Variants in CAMTA1 observed in about 807,000 individuals in gnomAD.
CAMTA1 encodes calmodulin-binding transcription activator 1.
A neutral mutation model predicts 170.9 loss-of-function variants in CAMTA1; 27 were observed. That is an observed-to-expected ratio of 0.16 (90% CI 0.12 to 0.22). The LOEUF is 0.22. Among genes scored for constraint, CAMTA1 ranks in the 10% least tolerant of loss-of-function variants. The pLI, the probability that CAMTA1 is intolerant of heterozygous loss-of-function variation, is 1.00. For missense variants in CAMTA1, 1,619 were observed against 2,217.2 expected (o/e 0.73, Z 5.42); for synonymous variants, 833 against 891.5 (o/e 0.93, Z 1.17).
At position 6,879,984 on chromosome 1, in the gene CAMTA1, C is replaced by T. The variant is rs75787540; in HGVS notation, c.234+54774C>T. ...TGTTACTCAGAACGGCATTATGCCT[C>T]GCTTCAGGGTAGGAAATAGAGAAGC... is the stretch of plus-strand genomic sequence containing the variant. On this transcript the variant is annotated intron_variant, in intron 3 of 22. Transcript: ENST00000303635. 2.6e-3 allele frequency among the ~76,000 whole-genome samples: 400 copies of T among 151,948 alleles called. 1 individual carries two copies. The highest frequency in any genetic ancestry group is 9.3e-3 in the African/African-American group (385 of 41,452).
At chr1:7,418,799 C>T (rs373246038) in intron 5 of CAMTA1, among the ~76,000 whole-genome samples, 14 of 152,212 alleles carry the variant, frequency 9.2e-5, no homozygotes, top group Admixed American at 2.6e-4. Flanking sequence ...GCATCCTGGA[C>T]GCTGCTCTCC....
chr1:7,021,907 A>G (rs879797267), intron 3 of CAMTA1, among the ~76,000 whole-genome samples: 26 of 152,174 alleles, frequency 1.7e-4, no homozygotes, highest in Non-Finnish European at 2.9e-4. Flanking sequence ...TAACAGTGCA[A>G]CAGCCACCGC....
chr1:7,508,957 CA>C lies in CAMTA1; in HGVS notation c.510+41064del, dbSNP rs151056708. On this transcript the variant is annotated intron_variant, in intron 6 of 22. Coordinates refer to ENST00000303635, the MANE Select transcript of CAMTA1 (RefSeq NM_015215.4). ...TTCCCATACAGGGCTGGAAAACGTG[CA>C]AAAAAAATGCCCATGGCCTGAGACC... is the stretch of plus-strand genomic sequence containing the variant. Among the ~76,000 whole-genome samples the C allele has an allele frequency of 8.8e-3, 1,332 of 151,954 alleles. 44 individuals carry two copies. Among genetic ancestry groups the C allele is most frequent in the East Asian group, 0.085 (439 of 5,144 alleles).
intron 11 of CAMTA1, among the ~76,000 whole-genome samples, chr1:7,683,054 T>C (rs1479258243): frequency 6.6e-6 from 1 of 151,888 alleles, no homozygotes; most frequent in Non-Finnish European, 1.5e-5. Flanking sequence ...GAGCGCCTGT[T>C]GTCCCAGCTA....
At chr1:7,394,754 T>TA (rs1407214085) in intron 5 of CAMTA1, among the ~76,000 whole-genome samples, 4 of 152,038 alleles carry the variant, frequency 2.6e-5, no homozygotes, top group Non-Finnish European at 5.9e-5. Context: ...GTATTATTTT[T>TA]AAAAAATCCT....
chr1:7,408,373 C>A (rs1246095840), intron 5 of CAMTA1, among the ~76,000 whole-genome samples: 1 of 152,230 alleles, frequency 6.6e-6, no homozygotes, highest in Non-Finnish European at 1.5e-5. Flanking sequence ...CTGCGAGCAG[C>A]GGGGCTGGTG....
At chr1:7,498,191 A>T (rs202169463) in intron 6 of CAMTA1, among the ~76,000 whole-genome samples, 1 of 148,516 alleles carries the variant, frequency 6.7e-6, no homozygotes, top group East Asian at 2.0e-4. Flanking sequence ...TATGAGAGTG[A>T]GTGTGTGTGT....
Position 7,736,244 on chromosome 1 carries a change from G to A in CAMTA1, c.3067-100G>A. 1.0e-6 allele frequency: 1 copy of A among 966,174 alleles called. No homozygotes were observed. Among genetic ancestry groups the A allele is most frequent in the Non-Finnish European group, 1.6e-6 (1 of 640,274 alleles). The allele number at this position is 966,174 out of a possible 1,614,324, so 59.9% of individuals were successfully genotyped here. On this transcript the variant is annotated intron_variant, in intron 12 of 22. Transcript: ENST00000303635. The surrounding 1 kb of genome is among the most constrained non-coding windows in gnomAD (Gnocchi z 4.5). ...TTCAGTGTTTTATGTTTTCCGTTGT[G>A]AGTTTCTAATCGTAAAGCATTTGTT...
intron 5 of CAMTA1, among the ~76,000 whole-genome samples, chr1:7,376,713 G>A (rs1448259338): frequency 6.6e-6 from 1 of 152,186 alleles, no homozygotes; most frequent in Non-Finnish European, 1.5e-5. Context: ...GGAGGATGGT[G>A]GAGCTAGGAC....
chr1:7,656,579 G>A (rs941569844), intron 7 of CAMTA1, among the ~76,000 whole-genome samples: 10 of 152,192 alleles, frequency 6.6e-5, no homozygotes, highest in South Asian at 2.1e-4. Flanking sequence ...AAAATAGGAC[G>A]GCCCTACCGT....
In CAMTA1 at chr1:7,582,230, C is replaced by G. The variant is rs544362078; in HGVS notation, c.511-58170C>G. 2.0e-5 allele frequency among the ~76,000 whole-genome samples: 3 copies of G among 152,310 alleles called. 1 individual carries two copies. The South Asian group carries it at 6.2e-4, about 32-fold the overall frequency. ...TAAATGATAGCCCACGTGGCGGTTGCTCAGAGAAAGGAGCTCTCTCCTGTC... is the reference window on the plus strand; with the variant it reads ...TAAATGATAGCCCACGTGGCGGTTGGTCAGAGAAAGGAGCTCTCTCCTGTC... On this transcript the variant is annotated intron_variant, in intron 6 of 22. Coordinates refer to ENST00000303635, the MANE Select transcript of CAMTA1 (RefSeq NM_015215.4).
intron 6 of CAMTA1, among the ~76,000 whole-genome samples, chr1:7,584,596 G>A (rs1452464888): frequency 6.6e-6 from 1 of 152,188 alleles, no homozygotes; most frequent in East Asian, 1.9e-4. Context: ...CTCTGGGGTA[G>A]ACACCACTGG....
intron 7 of CAMTA1, among the ~76,000 whole-genome samples, chr1:7,657,172 G>A (rs955917999): frequency 8.5e-5 from 13 of 152,176 alleles, no homozygotes; most frequent in African/African-American, 2.9e-4. Context: ...CCCATGCTGG[G>A]GTCTGGCTTA....
intron 1 of CAMTA1, among the ~76,000 whole-genome samples, chr1:6,792,604 G>A (rs1261176620): frequency 1.3e-5 from 2 of 151,822 alleles, no homozygotes; most frequent in Non-Finnish European, 2.9e-5. Flanking sequence ...CATTTACTTC[G>A]AACTGATTGA....
In CAMTA1 at chr1:7,232,129, C is replaced by G. The variant is rs142059033; in HGVS notation, c.303-17362C>G. ...GTTAGAGGACTCCAGGGCAGAGGTG[C>G]CTTCCTGATCCAGGACCCTCCAGCC... On this transcript the variant is annotated intron_variant, in intron 4 of 22. Coordinates refer to ENST00000303635, the MANE Select transcript of CAMTA1 (RefSeq NM_015215.4). Among the ~76,000 whole-genome samples, 1,180 of 152,348 alleles carry G rather than the reference C, an allele frequency of 7.7e-3. 17 individuals are homozygous for G. The highest frequency in any genetic ancestry group is 0.027 in the African/African-American group (1,111 of 41,586).
intron 3 of CAMTA1, among the ~76,000 whole-genome samples, chr1:7,024,095 G>A (rs1701741307): frequency 6.6e-6 from 1 of 151,682 alleles, no homozygotes; most frequent in Admixed American, 6.6e-5. Context: ...TGGTCCTGAT[G>A]AGATCCACCG....
At chr1:7,601,234 G>A (rs1332926935) in intron 6 of CAMTA1, among the ~76,000 whole-genome samples, 1 of 151,908 alleles carries the variant, frequency 6.6e-6, no homozygotes, top group East Asian at 1.9e-4. Flanking sequence ...CGGGGTGGCT[G>A]CCGGGCGGAG....
At chr1:7,035,669 C>G (rs1411420527) in intron 3 of CAMTA1, among the ~76,000 whole-genome samples, 1 of 152,232 alleles carries the variant, frequency 6.6e-6, no homozygotes, top group African/African-American at 2.4e-5. Flanking sequence ...TCTGACCTCT[C>G]TGTCTCCCAA....
chr1:7,038,086 T>C (rs372427527), intron 3 of CAMTA1, among the ~76,000 whole-genome samples: 7 of 152,186 alleles, frequency 4.6e-5, no homozygotes, highest in African/African-American at 1.7e-4. Context: ...AATGAAGTTC[T>C]CGTGAGGAGT....
Sources: allele counts gnomAD v4.1 joint callset (sites outside exome capture counted in the v4.1 genomes callset), GRCh38; gene constraint gnomAD v4.1.1; non-coding constraint Gnocchi (gnomAD v3.1); transcripts MANE v1.5; gene names NCBI Gene and HGNC (gene_info 2026-07-23, HGNC 2026-07-21).